CCDC91: variants seen among roughly 807,000 people sequenced by gnomAD.
The protein encoded by CCDC91 is coiled-coil domain containing 91, also known as coiled-coil domain-containing protein 91.
Under a neutral mutation model 63.2 loss-of-function variants are expected in CCDC91, and 48 were observed. The ratio of observed to expected loss-of-function variants is 0.76; its 90% CI spans 0.60 to 0.97. The LOEUF (loss-of-function observed/expected upper bound fraction) is 0.97. Among genes scored for constraint, CCDC91 ranks in the 50% least tolerant of loss-of-function variants. The pLI is 0.00. For synonymous variants in CCDC91, 167 were observed against 165.8 expected, an observed-to-expected ratio of 1.01 and a Z score of -0.06; for missense variants, 500 against 494.6, an observed-to-expected ratio of 1.01 and a Z score of -0.10.
At position 28,473,802 on chromosome 12, in the gene CCDC91, T is replaced by C. The variant is rs189146021; in HGVS notation, c.1102-10250T>C. On this transcript the variant is annotated intron_variant, in intron 11 of 12. Transcript: ENST00000536442. ...CGTCAATCTCATCAAGCCCCTGTTC[T>C]CACAAAAAGCTATTCCAAACAAGCT... Among the ~76,000 whole-genome samples the C allele has an allele frequency of 7.2e-5, 11 of 152,240 alleles. No homozygotes were observed. In the East Asian group the frequency reaches 2.1e-3, roughly 29 times the overall value.
chr12:28,361,580 T>A (rs1184458032), intron 6 of CCDC91, among the ~76,000 whole-genome samples: 2 of 152,144 alleles, frequency 1.3e-5, no homozygotes, highest in African/African-American at 2.4e-5. Context: ...GTCTTTATTT[T>A]TTTTCACTGT....
chr12:28,496,629 C>G (rs1435736434), intron 12 of CCDC91, among the ~76,000 whole-genome samples: 1 of 151,446 alleles, frequency 6.6e-6, no homozygotes, highest in Non-Finnish European at 1.5e-5. Flanking sequence ...TAAAACTGAT[C>G]CTTTGAAGTT....
chr12:28,453,371 C>A (rs11049618), intron 11 of CCDC91, among the ~76,000 whole-genome samples: 1 of 151,738 alleles, frequency 6.6e-6, no homozygotes, highest in Non-Finnish European at 1.5e-5. Context: ...CTAACATGTT[C>A]AAACTGTTAA....
intron 7 of CCDC91, among the ~76,000 whole-genome samples, chr12:28,375,090 G>T (rs887444237): frequency 5.9e-5 from 9 of 151,434 alleles, no homozygotes; most frequent in Non-Finnish European, 1.2e-4. Flanking sequence ...CTGGATCAGA[G>T]CCCCACTTCT....
chr12:28,264,370 A>G (rs1195473892), intron 3 of CCDC91, among the ~76,000 whole-genome samples: 1 of 149,194 alleles, frequency 6.7e-6, no homozygotes, highest in Non-Finnish European at 1.5e-5. Flanking sequence ...AAAATTAATA[A>G]TTTTTTTTGG....
At chr12:28,298,076 A>C (rs1026092309) in intron 3 of CCDC91, among the ~76,000 whole-genome samples, 1 of 151,322 alleles carries the variant, frequency 6.6e-6, no homozygotes, top group Admixed American at 6.6e-5. Flanking sequence ...TCTAGTTCTC[A>C]CTTAGAGGGA....
At position 28,257,301 on chromosome 12, in the gene CCDC91, A is replaced by G. The variant is rs537781392; in HGVS notation, c.30+56A>G. 5.2e-6 allele frequency: 6 copies of G among 1,153,326 alleles called. No homozygotes were observed. The African/African-American group carries it at 7.6e-5, about 15-fold the overall frequency. 71.4% of individuals were successfully genotyped at this position (1,153,326 alleles called of 1,614,324 possible). ...TAACTTTGTGGGATTATAATGGAGT[A>G]AACTATTTTGAAAATGTATTATATT... On this transcript the variant is annotated intron_variant, in intron 2 of 12. Transcript: ENST00000536442.
intron 3 of CCDC91, among the ~76,000 whole-genome samples, chr12:28,260,291 A>G (rs1271477541): frequency 2.0e-5 from 3 of 152,128 alleles, no homozygotes; most frequent in South Asian, 2.1e-4. Flanking sequence ...AGCTGGAAAT[A>G]TATGTATATG....
intron 8 of CCDC91, among the ~76,000 whole-genome samples, chr12:28,394,300 A>G (rs1380330264): frequency 6.6e-6 from 1 of 152,124 alleles, no homozygotes; most frequent in African/African-American, 2.4e-5. Context: ...CCCCGTCTCT[A>G]CTAAAAATAC....
At chr12:28,473,076 A>G (rs1457613165) in intron 11 of CCDC91, among the ~76,000 whole-genome samples, 1 of 152,182 alleles carries the variant, frequency 6.6e-6, no homozygotes, top group Non-Finnish European at 1.5e-5. Flanking sequence ...GCTATTGTGC[A>G]TTGTAATTTT....
At chr12:28,467,297 A>G (rs1336596533) in intron 11 of CCDC91, among the ~76,000 whole-genome samples, 1 of 152,116 alleles carries the variant, frequency 6.6e-6, no homozygotes, top group Admixed American at 6.5e-5. Context: ...AGTGGAAACC[A>G]AAAATGAGCA....
At chr12:28,242,060 A>C (rs1280108165) in intron 1 of CCDC91, among the ~76,000 whole-genome samples, 2 of 151,328 alleles carry the variant, frequency 1.3e-5, no homozygotes, top group Non-Finnish European at 2.9e-5. Context: ...CCTTGTTATC[A>C]TATAAAGTTG....
chr12:28,543,931 C>CTTA (rs1265231613), intron 12 of CCDC91, among the ~76,000 whole-genome samples: 1 of 151,980 alleles, frequency 6.6e-6, no homozygotes, highest in Non-Finnish European at 1.5e-5. Flanking sequence ...AAATCCTAAA[C>CTTA]CTGAACTGTT....
chr12:28,441,039 C>CA (rs1949162146), intron 8 of CCDC91, among the ~76,000 whole-genome samples: 1 of 92,158 alleles, frequency 1.1e-5, no homozygotes. Flanking sequence ...GCCTGGGTGA[C>CA]AGAGCAAGAC....
intron 6 of CCDC91, among the ~76,000 whole-genome samples, chr12:28,336,602 T>C (rs1402846753): frequency 6.6e-6 from 1 of 152,150 alleles, no homozygotes; most frequent in Non-Finnish European, 1.5e-5. Context: ...AAGTCTTGCT[T>C]AAATCATAGT....
chr12:28,352,121 A>G (rs1943222917), intron 6 of CCDC91, among the ~76,000 whole-genome samples: 1 of 152,176 alleles, frequency 6.6e-6, no homozygotes, highest in Non-Finnish European at 1.5e-5. Context: ...ATTCATGTCT[A>G]AAAAATGTAC....
intron 12 of CCDC91, among the ~76,000 whole-genome samples, chr12:28,499,019 A>G (rs1007163074): frequency 2.0e-5 from 3 of 151,574 alleles, no homozygotes; most frequent in African/African-American, 7.3e-5. Flanking sequence ...ACATTTATCT[A>G]ATCTAACTCT....
intron 8 of CCDC91, among the ~76,000 whole-genome samples, chr12:28,392,428 AT>A (rs1401367709): frequency 1.2e-4 from 19 of 152,258 alleles, no homozygotes; most frequent in African/African-American, 4.3e-4. Flanking sequence ...CTCTACTGAT[AT>A]TGTAATTGCG....
At chr12:28,543,442 G>A (rs192464536) in intron 12 of CCDC91, among the ~76,000 whole-genome samples, 142 of 152,018 alleles carry the variant, frequency 9.3e-4, no homozygotes, top group African/African-American at 2.7e-3. Context: ...GCTTGAAGCC[G>A]TGGTTTTTAG....
Sources: gnomAD v4.1 joint callset for allele counts (sites outside exome capture counted in the v4.1 genomes callset) on GRCh38, gnomAD v4.1.1 for gene constraint, MANE v1.5 for transcripts, NCBI Gene and HGNC (gene_info 2026-07-23, HGNC 2026-07-21) for gene names.